The following PRMT9 variants were observed in gnomAD, a reference collection of about 807,000 sequenced individuals.
PRMT9 encodes the protein protein arginine N-methyltransferase 9.
A neutral mutation model predicts 83.2 loss-of-function variants in PRMT9; 59 were observed. That is an observed-to-expected ratio of 0.71 (90% confidence interval 0.57 to 0.88). The LOEUF is 0.88. Ranked by LOEUF, PRMT9 falls within the 40% of genes least tolerant of loss-of-function variation. The probability of loss-of-function intolerance (pLI) is 0.00; values close to 1 mark genes in which losing one functional copy is unlikely to be tolerated. For synonymous variants in PRMT9, 333 were observed against 353.2 expected (o/e 0.94, Z 0.64); for missense variants, 947 against 1,021.9 (o/e 0.93, Z 1.00).
chr4:147,670,341 G>A (rs544129699), intron 5 of PRMT9, among the ~76,000 whole-genome samples: 72 of 152,100 alleles, frequency 4.7e-4, no homozygotes, highest in Non-Finnish European at 7.9e-4. Flanking sequence ...CACCACACCC[G>A]GCTAATTTTG....
intron 10 of PRMT9, among the ~76,000 whole-genome samples, chr4:147,640,847 G>A (rs1028588774): frequency 2.0e-5 from 3 of 151,998 alleles, no homozygotes; most frequent in South Asian, 2.1e-4. Flanking sequence ...GCAGCCTCCC[G>A]AGTAGCTGGG....
intron 2 of PRMT9, among the ~76,000 whole-genome samples, chr4:147,674,346 A>T (rs1389687136): frequency 6.6e-6 from 1 of 152,210 alleles, no homozygotes; most frequent in Non-Finnish European, 1.5e-5. Flanking sequence ...ATTTTAACTA[A>T]ATATCATACT....
At chr4:147,669,389 T>C (rs1735585480) in intron 5 of PRMT9, among the ~76,000 whole-genome samples, 1 of 152,014 alleles carries the variant, frequency 6.6e-6, no homozygotes, top group African/African-American at 2.4e-5. Flanking sequence ...AAAAACAGAA[T>C]AAGTATTTTC....
chr4:147,675,858 T>G (rs1019866371), intron 2 of PRMT9, among the ~76,000 whole-genome samples: 2 of 152,102 alleles, frequency 1.3e-5, no homozygotes, highest in East Asian at 3.8e-4. Flanking sequence ...TAACAAAAGG[T>G]TGTGAAGTTG....
chr4:147,682,052 C>T (rs909453361), intron 1 of PRMT9, among the ~76,000 whole-genome samples: 14 of 152,212 alleles, frequency 9.2e-5, no homozygotes, highest in Non-Finnish European at 2.1e-4. Context: ...GTCGCCCAGG[C>T]TGGAGTGCAA....
At chr4:147,643,706 T>G (rs1029975064) in intron 9 of PRMT9, among the ~76,000 whole-genome samples, 1 of 152,140 alleles carries the variant, frequency 6.6e-6, no homozygotes, top group Non-Finnish European at 1.5e-5. Flanking sequence ...TCAAAAACAA[T>G]GGGACAGGCT....
At chr4:147,666,500 A>G (rs1377290210) in intron 6 of PRMT9, among the ~76,000 whole-genome samples, 3 of 152,176 alleles carry the variant, frequency 2.0e-5, no homozygotes, top group African/African-American at 7.2e-5. Context: ...TCACACCTGT[A>G]TCATATACTA....
intron 1 of PRMT9, 64 bp downstream of exon 1, chr4:147,683,731 TTCTG>T: frequency 1.2e-5 from 15 of 1,280,058 alleles, no homozygotes; most frequent in East Asian, 2.5e-5. Context: ...TTTTTTTTTT[TTCTG>T]TTTTTTTTTT....
intron 1 of PRMT9, among the ~76,000 whole-genome samples, chr4:147,681,469 G>A (rs1278242391): frequency 6.6e-6 from 1 of 152,194 alleles, no homozygotes; most frequent in East Asian, 1.9e-4. Flanking sequence ...TCTTGAGGGA[G>A]TTTACTAGAG....
At chr4:147,640,710 T>C (rs879023250) in intron 10 of PRMT9, among the ~76,000 whole-genome samples, 1 of 152,132 alleles carries the variant, frequency 6.6e-6, no homozygotes, top group Non-Finnish European at 1.5e-5. Context: ...ATCCAACTTA[T>C]CAAAAATTCT....
chr4:147,667,505 T>A (rs1322022443), intron 6 of PRMT9, among the ~76,000 whole-genome samples: 1 of 152,232 alleles, frequency 6.6e-6, no homozygotes, highest in South Asian at 2.1e-4. Context: ...AATCTGCTAA[T>A]TAAGTCCACT....
At chr4:147,677,676 C>T (rs1169050230) in intron 2 of PRMT9, among the ~76,000 whole-genome samples, 5 of 151,836 alleles carry the variant, frequency 3.3e-5, no homozygotes, top group Non-Finnish European at 7.4e-5. Context: ...AGGCTGGTCT[C>T]GAACTCCTGA....
At chr4:147,651,217 T>C (rs542944155) in intron 9 of PRMT9, among the ~76,000 whole-genome samples, 29 of 152,212 alleles carry the variant, frequency 1.9e-4, no homozygotes, top group Admixed American at 3.3e-4. Context: ...ATATACACCA[T>C]ATACAAAAAT....
intron 6 of PRMT9, among the ~76,000 whole-genome samples, chr4:147,663,189 T>C (rs568609870): frequency 2.0e-5 from 3 of 151,762 alleles, no homozygotes; most frequent in Non-Finnish European, 2.9e-5. Context: ...TTTGTATTTT[T>C]AGTAGAGACG....
Position 147,654,139 on chromosome 4 carries a change from A to C in PRMT9, c.1758T>G (p.Asp586Glu), listed in dbSNP as rs1204253519. 6.2e-7 allele frequency: 1 copy of C among 1,614,234 alleles called. No homozygotes were observed. The highest frequency in any genetic ancestry group is 2.2e-5 in the East Asian group (1 of 44,878). ...GCAGAACAGAGAAGCCTTCGGACACATCTAACACGTAGAAAGGTTCAAGGA... is the reference window on the plus strand; with the variant it reads ...GCAGAACAGAGAAGCCTTCGGACACCTCTAACACGTAGAAAGGTTCAAGGA... ...QNILEPFYVL[D>E]VSEGFSVLPV... is the part of the protein sequence containing the mutation. Residue 586 changes from aspartate (D) to glutamate (E), a missense_variant, in exon 9 of 12, where the codon GAT (aspartate) becomes GAG (glutamate). Coordinates refer to ENST00000322396, the MANE Select transcript of PRMT9 (RefSeq NM_138364.4).
intron 9 of PRMT9, 134 bp from the exon 10 acceptor site, chr4:147,643,074 A>ATGGC: frequency 1.4e-6 from 1 of 722,352 alleles, no homozygotes. Flanking sequence ...AGCCTGGGCA[A>ATGGC]CATGGCGAAA....
chr4:147,684,015 G>T lies in PRMT9; in HGVS notation c.-28C>A, dbSNP rs1374333845. The T allele has an allele frequency of 6.2e-7, 1 of 1,607,740 alleles. No individual in the cohort carries two copies. Among genetic ancestry groups the T allele is most frequent in the Non-Finnish European group, 8.5e-7 (1 of 1,176,676 alleles). On this transcript the variant is annotated 5_prime_UTR_variant, in exon 1 of 12. Coordinates refer to ENST00000322396, the MANE Select transcript of PRMT9 (RefSeq NM_138364.4). Reference sequence around the variant, plus strand: ...CAGTCACCACTTGTATGGCCAAAGGGAAGATATTTTGTAAACGTAATTAGA... The same window carrying T: ...CAGTCACCACTTGTATGGCCAAAGGTAAGATATTTTGTAAACGTAATTAGA...
At chr4:147,644,035 T>C (rs1365818872) in intron 9 of PRMT9, among the ~76,000 whole-genome samples, 7 of 152,206 alleles carry the variant, frequency 4.6e-5, no homozygotes, top group South Asian at 2.1e-4. Context: ...AAGGACATTA[T>C]TGTGACAACT....
chr4:147,665,183 C>T (rs1447494121), intron 6 of PRMT9, among the ~76,000 whole-genome samples: 1 of 150,046 alleles, frequency 6.7e-6, no homozygotes, highest in Non-Finnish European at 1.5e-5. Flanking sequence ...TACAATCTTT[C>T]CTTTTGTCGT....
Sources: gnomAD v4.1 joint callset for allele counts (sites outside exome capture counted in the v4.1 genomes callset) on GRCh38, gnomAD v4.1.1 for gene constraint, MANE v1.5 for transcripts, NCBI Gene and HGNC (gene_info 2026-07-23, HGNC 2026-07-21) for gene names.